C1orf87: variants seen among roughly 807,000 people sequenced by gnomAD.
The protein encoded by C1orf87 is chromosome 1 open reading frame 87, also known as uncharacterized protein C1orf87.
A neutral mutation model predicts 60.5 loss-of-function variants in C1orf87; 58 were observed. That is an observed-to-expected ratio of 0.96 (90% CI 0.78 to 1.19). The LOEUF (loss-of-function observed/expected upper bound fraction) is 1.19. C1orf87 is among the 50% of genes most tolerant of loss of function. The pLI is 0.00. For missense variants in C1orf87, 673 were observed against 638.6 expected (o/e 1.05, Z -0.58); for synonymous variants, 236 against 227.4 (o/e 1.04, Z -0.34).
chr1:60,063,144 A>T (rs1645508317), intron 2 of C1orf87, among the ~76,000 whole-genome samples: 1 of 152,172 alleles, frequency 6.6e-6, no homozygotes, highest in Admixed American at 6.6e-5. Context: ...CTGTGATGTT[A>T]TTGTTCAGTT....
chr1:60,026,175 T>C (rs1034754372), intron 7 of C1orf87, among the ~76,000 whole-genome samples: 1 of 152,170 alleles, frequency 6.6e-6, no homozygotes, highest in Admixed American at 6.5e-5. Flanking sequence ...ACTTTTAGGG[T>C]GTAGTAACTT....
intron 3 of C1orf87, among the ~76,000 whole-genome samples, chr1:60,043,269 T>C (rs1392968926): frequency 6.6e-6 from 1 of 152,168 alleles, no homozygotes; most frequent in Non-Finnish European, 1.5e-5. Context: ...AGTAGAGCAA[T>C]GACTAGAGCA....
chr1:60,055,124 G>A, intron 3 of C1orf87, 80 bp downstream of exon 3: 1 of 1,233,608 alleles, frequency 8.1e-7, no homozygotes, highest in South Asian at 1.3e-5. Flanking sequence ...TGTACAGTGT[G>A]TTTTTGTGTG....
At chr1:60,072,222 T>C (rs1243733732) in intron 2 of C1orf87, among the ~76,000 whole-genome samples, 3 of 152,174 alleles carry the variant, frequency 2.0e-5, no homozygotes, top group African/African-American at 7.2e-5. Context: ...TTAGTACATG[T>C]GGTAGATTAC....
chr1:60,044,385 T>C (rs912981445), intron 3 of C1orf87, among the ~76,000 whole-genome samples: 1 of 152,240 alleles, frequency 6.6e-6, no homozygotes, highest in African/African-American at 2.4e-5. Flanking sequence ...CTGTACTCCC[T>C]GGAATGCTGT....
At position 60,025,502 on chromosome 1, in the gene C1orf87, C is replaced by T. The variant is rs1311290550; in HGVS notation, c.1030-4G>A. Reference sequence around the variant, plus strand: ...GCTTCCCACATATAGCCCTGACCTACAAGTTAAAAAAAAATAAAAAAGATT... The same window carrying T: ...GCTTCCCACATATAGCCCTGACCTATAAGTTAAAAAAAAATAAAAAAGATT... On this transcript the variant is annotated splice_region_variant and splice_polypyrimidine_tract_variant and intron_variant, in intron 7 of 11. Coordinates refer to ENST00000371201, the MANE Select transcript of C1orf87 (RefSeq NM_152377.3). 6.4e-6 allele frequency: 10 copies of T among 1,567,762 alleles called. No homozygotes were observed. Among genetic ancestry groups the T allele is most frequent in the Non-Finnish European group, 8.6e-6 (10 of 1,160,326 alleles).
intron 3 of C1orf87, among the ~76,000 whole-genome samples, chr1:60,042,572 A>G (rs1645333888): frequency 6.6e-6 from 1 of 152,264 alleles, no homozygotes. Context: ...CTGAATAGGC[A>G]TAAAAATCAC....
intron 2 of C1orf87, among the ~76,000 whole-genome samples, chr1:60,057,965 G>A (rs1311957770): frequency 2.0e-5 from 3 of 152,206 alleles, no homozygotes; most frequent in Non-Finnish European, 4.4e-5. Context: ...AAGGCAGACA[G>A]TGAGGCTCAC....
At position 60,033,600 on chromosome 1, in the gene C1orf87, C is replaced by G; in HGVS notation, c.905G>C (p.Arg302Thr). The G allele has an allele frequency of 6.2e-7, 1 of 1,613,362 alleles. No individual in the cohort carries two copies. Among genetic ancestry groups the G allele is most frequent in the East Asian group, 2.2e-5 (1 of 44,872 alleles). ...QHSSSQPEVN[R>T]SLLEILKMAL... is the part of the protein sequence containing the mutation. ...CATCTTCAAAATCTCCAACAGACTC[C>G]TGTTCACTTCTGGCTGTGAGCTGGA... Residue 302 changes from arginine to threonine, a missense_variant, in exon 7 of 12, where the codon AGG becomes ACG. Coordinates refer to ENST00000371201, the MANE Select transcript of C1orf87 (RefSeq NM_152377.3).
At chr1:60,042,095 G>A (rs1645329492) in intron 3 of C1orf87, among the ~76,000 whole-genome samples, 1 of 152,104 alleles carries the variant, frequency 6.6e-6, no homozygotes, top group Non-Finnish European at 1.5e-5. Flanking sequence ...ATGTGGTGTG[G>A]AATCCCTGCT....
chr1:60,062,737 C>T (rs1645505753), intron 2 of C1orf87, among the ~76,000 whole-genome samples: 1 of 152,130 alleles, frequency 6.6e-6, no homozygotes, highest in Non-Finnish European at 1.5e-5. Flanking sequence ...TTTTCTGTCA[C>T]ATATGTTGTA....
chr1:60,025,603 A>G (rs563815461), intron 7 of C1orf87, 105 bp from the exon 8 acceptor site: 3 of 889,680 alleles, frequency 3.4e-6, no homozygotes, highest in South Asian at 1.9e-5. Context: ...TGGAAGCTAT[A>G]TTATTTTGAC....
rs146737912 is a variant in C1orf87, at chr1:60,055,359, T to C, written c.187A>G (p.Arg63Gly). 6.8e-5 allele frequency: 109 copies of C among 1,614,106 alleles called. No individual in the cohort carries two copies. The highest frequency in any genetic ancestry group is 8.9e-5 in the Non-Finnish European group (105 of 1,180,036). ...AAGTTAATGGGAACTGGGGTGTCTC[T>C]GCTCATCTGCCTTGCATTATCAGTC... ...PMTDNARQMS[R>G]DTPVPINFTD... is the part of the protein sequence containing the mutation. The change falls in exon 3 of 12, where the codon AGA becomes GGA. Residue 63 changes from arginine to glycine, a missense_variant. Transcript: ENST00000371201.
At chr1:59,994,706 AC>A (rs1644951209) in intron 11 of C1orf87, among the ~76,000 whole-genome samples, 1 of 151,990 alleles carries the variant, frequency 6.6e-6, no homozygotes, top group South Asian at 2.1e-4. Flanking sequence ...TTTGTTGACA[AC>A]CCCCATTAGA....
intron 2 of C1orf87, among the ~76,000 whole-genome samples, chr1:60,063,491 T>G (rs1645510801): frequency 6.6e-6 from 1 of 152,186 alleles, no homozygotes; most frequent in African/African-American, 2.4e-5. Flanking sequence ...TTCCAATGGT[T>G]TCCCATTCTA....
chr1:60,018,696 C>T (rs1035734420), intron 8 of C1orf87, among the ~76,000 whole-genome samples: 13 of 152,160 alleles, frequency 8.5e-5, no homozygotes, highest in South Asian at 4.1e-4. Flanking sequence ...CCACACCTCT[C>T]GCCTTCATCC....
At chr1:60,007,398 T>C (rs1645054224) in intron 9 of C1orf87, among the ~76,000 whole-genome samples, 1 of 152,036 alleles carries the variant, frequency 6.6e-6, no homozygotes, top group Admixed American at 6.6e-5. Context: ...ATTTGATTCC[T>C]TTTATAGATT....
At chr1:60,045,646 T>G (rs1645361075) in intron 3 of C1orf87, among the ~76,000 whole-genome samples, 1 of 152,210 alleles carries the variant, frequency 6.6e-6, no homozygotes, top group African/African-American at 2.4e-5. Context: ...TTCATCCACA[T>G]TATTTCAGCA....
Position 59,990,767 on chromosome 1 carries a change from A to G in C1orf87, c.1547T>C (p.Leu516Pro). ...GGCCTGGTCGATTTTCTGAGGGCTC[A>G]GGGACAGGTTGTAAATGAGATTGTA... ...HNYNLIYNLS[L>P]SPQKIDQALR... The change falls in exon 12 of 12, where the codon CTG becomes CCG. Residue 516 changes from leucine to proline, a missense_variant. Coordinates refer to ENST00000371201, the MANE Select transcript of C1orf87 (RefSeq NM_152377.3). 6.2e-7 allele frequency: 1 copy of G among 1,614,112 alleles called. No homozygotes were observed. The highest frequency in any genetic ancestry group is 8.5e-7 in the Non-Finnish European group (1 of 1,179,966).
Sources: gnomAD v4.1 joint callset for allele counts (sites outside exome capture counted in the v4.1 genomes callset) on GRCh38, gnomAD v4.1.1 for gene constraint, MANE v1.5 for transcripts, NCBI Gene and HGNC (gene_info 2026-07-23, HGNC 2026-07-21) for gene names.